Variants in ZNF527 observed in about 807,000 individuals in gnomAD.
ZNF527 encodes zinc finger protein 527.
A neutral mutation model predicts 13.5 loss-of-function variants in ZNF527; 5 were observed. The observed-to-expected ratio is 0.37, with a 90% confidence interval of 0.19 to 0.78. ZNF527 has a LOEUF of 0.78. ZNF527 is among the 30% of genes least tolerant of loss of function. The probability of loss-of-function intolerance (pLI) is 0.48; values close to 1 mark genes in which losing one functional copy is unlikely to be tolerated. For synonymous variants in ZNF527, 209 were observed against 243.1 expected (o/e 0.86, Z 1.30); for missense variants, 628 against 726.4 (o/e 0.86, Z 1.56).
intron 2 of ZNF527, 150 bp downstream of exon 2, chr19:37,374,381 A>T (rs1372754909): frequency 2.8e-6 from 2 of 716,664 alleles, no homozygotes; most frequent in African/African-American, 1.8e-5. Context: ...AAAACATTTA[A>T]TATCTTTTTT....
At chr19:37,376,629 G>A (rs778722463) in intron 2 of ZNF527, among the ~76,000 whole-genome samples, 3 of 144,594 alleles carry the variant, frequency 2.1e-5, no homozygotes, top group East Asian at 2.0e-4. Context: ...AGCCAAGATC[G>A]CGCCATTGCA....
At chr19:37,380,524 C>T (rs2040645743) in intron 4 of ZNF527, 152 bp downstream of exon 4, 2 of 533,520 alleles carry the variant, frequency 3.7e-6, no homozygotes, top group African/African-American at 3.8e-5. Flanking sequence ...GGGGTTTTTT[C>T]TTTTTCTTTC....
At chr19:37,380,027 G>A in intron 3 of ZNF527, 1 of 460,680 alleles carries the variant, frequency 2.2e-6, no homozygotes, top group Middle Eastern at 7.0e-4. Context: ...CTGAGAATGT[G>A]CATTTCTAAT....
At chr19:37,382,301 A>ATAGG (rs1282497193) in intron 4 of ZNF527, among the ~76,000 whole-genome samples, 1 of 151,442 alleles carries the variant, frequency 6.6e-6, no homozygotes, top group East Asian at 1.9e-4. Context: ...AGATAGATAG[A>ATAGG]TAGATAGATA....
Position 37,390,553 on chromosome 19 carries a change from A to T in ZNF527, c.*674A>T, listed in dbSNP as rs1362884872. The T allele has an allele frequency of 6.6e-6, 1 of 152,160 alleles. No homozygotes were observed. Among genetic ancestry groups the T allele is most frequent in the Non-Finnish European group, 1.5e-5 (1 of 68,022 alleles). The allele number at this position is 152,160 out of a possible 1,614,324, so 9.4% of individuals were successfully genotyped here. A position where few individuals can be genotyped will look rare whatever the true frequency, so the allele number is the denominator to read the frequency against. Reference sequence around the variant, plus strand: ...AAGAGAGGTTTTATTCTGGAACTGCAAGTTTCAAGGATTTAATAAGATTAA... The same window carrying T: ...AAGAGAGGTTTTATTCTGGAACTGCTAGTTTCAAGGATTTAATAAGATTAA... On this transcript the variant is annotated 3_prime_UTR_variant, in exon 5 of 5. Coordinates refer to ENST00000436120, the MANE Select transcript of ZNF527 (RefSeq NM_032453.2).
intron 4 of ZNF527, chr19:37,385,039 T>C (rs958110130): frequency 8.7e-6 from 6 of 688,734 alleles, no homozygotes; most frequent in Admixed American, 2.0e-5. Flanking sequence ...TTGCCCAGGC[T>C]GGTCTAGCAC....
At position 37,389,206 on chromosome 19, in the gene ZNF527, A is replaced by G. The variant is rs2040729089; in HGVS notation, c.1157A>G (p.Tyr386Cys). The change falls in exon 5 of 5, where the codon TAT (tyrosine) becomes TGT (cysteine). Residue 386 changes from tyrosine to cysteine, a missense_variant. Tyr to Cys is a radical substitution (Grantham distance 194, BLOSUM62 -2). Transcript: ENST00000436120. Reference sequence around the variant, plus strand: ...AGAATTCACACAGGTGAGAAACCATATGAATGTAAAGAATGTAATAAAGCC... The same window carrying G: ...AGAATTCACACAGGTGAGAAACCATGTGAATGTAAAGAATGTAATAAAGCC... Reference protein sequence around the residue: ...HQRIHTGEKPYECKECNKAFR... With the variant: ...HQRIHTGEKPCECKECNKAFR... 1 of 1,614,062 alleles carries G rather than the reference A, an allele frequency of 6.2e-7. No individual in the cohort carries two copies. Among genetic ancestry groups the G allele is most frequent in the Non-Finnish European group, 8.5e-7 (1 of 1,180,034 alleles).
rs376377519 is a variant in ZNF527 at position 37,389,536 on chromosome 19, G to T, written c.1487G>T (p.Arg496Ile). 137 of 1,613,972 alleles carry T rather than the reference G, an allele frequency of 8.5e-5. No individual in the cohort carries two copies. The highest frequency in any genetic ancestry group is 1.0e-4 in the Non-Finnish European group (119 of 1,180,034). The change falls in exon 5 of 5, where the codon AGA (arginine) becomes ATA (isoleucine). Residue 496 changes from arginine to isoleucine, a missense_variant. By Grantham distance (97) the Arg-to-Ile change is moderately conservative. Coordinates refer to ENST00000436120, the MANE Select transcript of ZNF527 (RefSeq NM_032453.2). ...CATCATAGAATTCACACTGGAGAGA[G>T]ACCATTTGAATGCAGTAAATGTGGG... ...NRHHRIHTGE[R>I]PFECSKCGKA...
At chr19:37,375,298 C>CTTTTCT (rs1354797643) in intron 2 of ZNF527, among the ~76,000 whole-genome samples, 22 of 103,812 alleles carry the variant, frequency 2.1e-4, no homozygotes, top group African/African-American at 9.1e-4. Context: ...TTCTTTCTTT[C>CTTTTCT]TTTCTTTCTT....
chr19:37,382,387 CCTCT>C (rs900435547), intron 4 of ZNF527, among the ~76,000 whole-genome samples: 9 of 151,966 alleles, frequency 5.9e-5, no homozygotes, highest in Non-Finnish European at 1.0e-4. Flanking sequence ...TTTTTTATTA[CCTCT>C]ATCTTTTTAT....
In ZNF527 at chr19:37,389,359, C is replaced by G. The variant is rs976172340; in HGVS notation, c.1310C>G (p.Thr437Arg). The G allele has an allele frequency of 4.3e-6, 7 of 1,614,074 alleles. No homozygotes were observed. The highest frequency in any genetic ancestry group is 5.9e-6 in the Non-Finnish European group (7 of 1,180,042). The change falls in exon 5 of 5, where the codon ACA (threonine) becomes AGA (arginine). Residue 437 changes from threonine (T) to arginine (R), a missense_variant. By Grantham distance (71) the Thr-to-Arg change is moderately conservative. Transcript: ENST00000436120. ...IALTLHQRIH[T>R]GEKPFKCSEC... ...CTTACTCTACATCAAAGAATTCACA[C>G]AGGAGAGAAACCCTTCAAATGTAGT...
Position 37,391,896 on chromosome 19 carries a change from A to G in ZNF527, c.*2017A>G, listed in dbSNP as rs562117134. 6.6e-6 allele frequency: 1 copy of G among 152,334 alleles called. No homozygotes were observed. The highest frequency in any genetic ancestry group is 2.4e-5 in the African/African-American group (1 of 41,600). 9.4% of individuals were successfully genotyped at this position (152,334 alleles called of 1,614,324 possible). A position where few individuals can be genotyped will look rare whatever the true frequency, so the allele number is the denominator to read the frequency against. ...GTGAGAACCAGTAAGAATATTGGGT[A>G]TTGCCTGAAGAGCATCTGTAAAAAC... On this transcript the variant is annotated 3_prime_UTR_variant, in exon 5 of 5. Transcript: ENST00000436120.
Position 37,379,120 on chromosome 19 carries a change from G to T in ZNF527, c.34G>T (p.Gly12Trp), listed in dbSNP as rs1364557079. The change falls in exon 3 of 5, where the codon GGG becomes TGG. Residue 12 changes from glycine to tryptophan, a missense_variant and splice_region_variant. Physicochemically the swap from Gly to Trp is radical, Grantham distance 184 (BLOSUM62 -2). Around this residue, in one of 3 missense-constraint regions of ZNF527, gnomAD observed 33 missense variants for 31.2 expected, o/e 1.06. Transcript: ENST00000436120. ...GTGAACAAGAATTTTTTTATTTCAG[G>T]GGTTGGTGACCTTCAGAGATGTGGC... ...AVGLCKAMSQ[G>W]LVTFRDVALD... 1.2e-6 allele frequency: 2 copies of T among 1,613,962 alleles called. No individual in the cohort carries two copies.
chr19:37,381,713 T>C (rs2040655394), intron 4 of ZNF527, among the ~76,000 whole-genome samples: 1 of 152,236 alleles, frequency 6.6e-6, no homozygotes, highest in Non-Finnish European at 1.5e-5. Context: ...TTAGCATTTA[T>C]TGCTGGATCT....
rs1258872996 is a variant in ZNF527 at position 37,390,621 on chromosome 19, C to T, written c.*742C>T. 1 of 152,140 alleles carries T rather than the reference C, an allele frequency of 6.6e-6. No homozygotes were observed. Among genetic ancestry groups the T allele is most frequent in the East Asian group, 1.9e-4 (1 of 5,184 alleles). 9.4% of individuals were successfully genotyped at this position (152,140 alleles called of 1,614,324 possible). On this transcript the variant is annotated 3_prime_UTR_variant, in exon 5 of 5. Coordinates refer to ENST00000436120, the MANE Select transcript of ZNF527 (RefSeq NM_032453.2). ...TTTTGCCACTCATGAGGAAAGCTTT[C>T]CCAAAGAGAAATCTAACAGAGGAAA...
chr19:37,379,299 C>T, intron 3 of ZNF527, 53 bp downstream of exon 3: 2 of 1,529,790 alleles, frequency 1.3e-6, no homozygotes, highest in Non-Finnish European at 1.7e-6. Flanking sequence ...GGTGTTTTTG[C>T]TTCCTCTGTT....
chr19:37,385,911 T>C (rs2040693936), intron 4 of ZNF527, among the ~76,000 whole-genome samples: 2 of 152,108 alleles, frequency 1.3e-5, no homozygotes, highest in African/African-American at 4.8e-5. Context: ...GCCCTTCTAG[T>C]TTAGCTACAT....
rs1267227585 is a variant in ZNF527 at position 37,379,145 on chromosome 19, C to T, written c.59C>T (p.Ala20Val). ...GGGTTGGTGACCTTCAGAGATGTGG[C>T]GCTAGACTTTTCCCAAGAAGAGTGG... ...SQGLVTFRDV[A>V]LDFSQEEWEW... The change falls in exon 3 of 5, where the codon GCG becomes GTG. Residue 20 changes from alanine (A) to valine (V), a missense_variant. Physicochemically the swap from Ala to Val is moderately conservative, Grantham distance 64 (BLOSUM62 0). This residue lies in a region of ZNF527 where 33 missense variants were observed against 31.2 expected (regional missense o/e 1.06). Transcript: ENST00000436120. 4.3e-6 allele frequency: 7 copies of T among 1,613,986 alleles called. No individual in the cohort carries two copies. Among genetic ancestry groups the T allele is most frequent in the Non-Finnish European group, 5.9e-6 (7 of 1,179,966 alleles).
intron 4 of ZNF527, among the ~76,000 whole-genome samples, chr19:37,382,270 CAGATAGATAGATAGGTAGATAGAT>C (rs969903510): frequency 2.1e-5 from 3 of 142,346 alleles, no homozygotes; most frequent in African/African-American, 7.9e-5. Flanking sequence ...AGCTAGGAAA[CAGATAGATAGATAGGTAGATAGAT>C]AGATAGATAG....
Sources: allele counts gnomAD v4.1 joint callset (sites outside exome capture counted in the v4.1 genomes callset), GRCh38; gene constraint gnomAD v4.1.1; regional missense constraint gnomAD v4.1.1; transcripts MANE v1.5; gene names NCBI Gene and HGNC (gene_info 2026-07-23, HGNC 2026-07-21).